Variants in RGPD4 observed in about 807,000 individuals in gnomAD.
The protein encoded by RGPD4 is RANBP2 like and GRIP domain containing 4.
RGPD4 carries 84 observed loss-of-function variants against 141.1 expected under a neutral mutation model. The ratio of observed to expected loss-of-function variants is 0.60; its 90% CI spans 0.50 to 0.71. The LOEUF (loss-of-function observed/expected upper bound fraction) is 0.71, where lower values mean the gene tolerates loss of function less well. RGPD4 is among the 30% of genes least tolerant of loss of function. The pLI, the probability that RGPD4 is intolerant of heterozygous loss-of-function variation, is 0.00. For synonymous variants in RGPD4, 298 were observed against 566.8 expected, an observed-to-expected ratio of 0.53 and a Z score of 6.74; for missense variants, 918 against 1,622.4, an observed-to-expected ratio of 0.57 and a Z score of 7.46.
chr2:107,836,484 T>C, intron 1 of RGPD4, 118 bp from the exon 2 acceptor site: 2 of 1,047,086 alleles, frequency 1.9e-6, no homozygotes, highest in Non-Finnish European at 2.6e-6. Flanking sequence ...AAAAAAATTT[T>C]TAAGTGAATG....
chr2:107,827,148 G>T, intron 1 of RGPD4, 63 bp downstream of exon 1: 1 of 557,442 alleles, frequency 1.8e-6, no homozygotes, highest in Non-Finnish European at 2.4e-6. Flanking sequence ...CCTCGACCTG[G>T]CCCGGCGGCG....
At chr2:107,835,098 G>T (rs1312400443) in intron 1 of RGPD4, among the ~76,000 whole-genome samples, 17 of 25,994 alleles carry the variant, frequency 6.5e-4, no homozygotes, top group South Asian at 1.7e-3. Flanking sequence ...TTTTTTTTTT[G>T]AGATGGAATC....
chr2:107,829,692 G>A (rs1243875601), intron 1 of RGPD4, among the ~76,000 whole-genome samples: 2 of 152,134 alleles, frequency 1.3e-5, no homozygotes, highest in African/African-American at 2.4e-5. Context: ...TGGGGGGACC[G>A]CGGCGGGCGG....
chr2:107,845,996 G>A (rs1354626092), intron 6 of RGPD4, among the ~76,000 whole-genome samples: 28 of 114,224 alleles, frequency 2.5e-4, no homozygotes, highest in Middle Eastern at 5.1e-3. Flanking sequence ...GCGCCATCTC[G>A]GCTCACTGCA....
chr2:107,858,408 CTTTTCTTT>C (rs1558804079), intron 9 of RGPD4, among the ~76,000 whole-genome samples: 87 of 141,172 alleles, frequency 6.2e-4, no homozygotes, highest in African/African-American at 2.4e-3. Context: ...CTTTTCTTTT[CTTTTCTTT>C]TCTTTTCTTT....
rs563932287 is a variant in RGPD4 at position 107,854,678 on chromosome 2, G to C, written c.1066+35G>C. The stretch of plus-strand genomic sequence containing the variant: ...ATATTAAACTAATTTAATTTAAAAA[G>C]AAAAAGGAATTTCTGTTAAGGCATA... On this transcript the variant is annotated intron_variant, in intron 8 of 22. Transcript: ENST00000408999. 2.7e-3 allele frequency: 4,061 copies of C among 1,498,372 alleles called. 88 individuals are homozygous for C. The African/African-American group carries it at 0.048, about 18-fold the overall frequency. 92.8% of individuals were successfully genotyped at this position (1,498,372 alleles called of 1,614,324 possible).
At chr2:107,828,433 C>T (rs1275062134) in intron 1 of RGPD4, among the ~76,000 whole-genome samples, 4 of 39,952 alleles carry the variant, frequency 1.0e-4, no homozygotes, top group African/African-American at 3.9e-4. Context: ...GCGGCGGCCT[C>T]GATGGCTCAG....
intron 6 of RGPD4, among the ~76,000 whole-genome samples, chr2:107,845,551 C>T (rs1681895906): frequency 6.6e-6 from 1 of 151,996 alleles, no homozygotes; most frequent in African/African-American, 2.4e-5. Flanking sequence ...CTGGTGCCAC[C>T]CTAGGCAGTT....
rs745749447 is a variant in RGPD4 at position 107,880,122 on chromosome 2, C to A, written c.5064+15C>A. The A allele has an allele frequency of 1.2e-6, 2 of 1,611,372 alleles. No homozygotes were observed. Among genetic ancestry groups the A allele is most frequent in the Non-Finnish European group, 1.7e-6 (2 of 1,179,848 alleles). On this transcript the variant is annotated intron_variant, in intron 21 of 22. Transcript: ENST00000408999. Reference sequence around the variant, plus strand: ...AGCAAATTAAGGTGAGATCAGAAAACCTGGCCACCATGAAAACTGCCAATT... The same window carrying A: ...AGCAAATTAAGGTGAGATCAGAAAAACTGGCCACCATGAAAACTGCCAATT...
chr2:107,836,913 C>A lies in RGPD4; in HGVS notation c.140+244C>A, dbSNP rs1258923138. ...CAAGAAATTGTTTGGCTTAAAACGA[C>A]TTTTTCTAAAAATTGTCTTCTGTTG... On this transcript the variant is annotated intron_variant, in intron 2 of 22. Coordinates refer to ENST00000408999, the MANE Select transcript of RGPD4 (RefSeq NM_182588.3). Among the ~76,000 whole-genome samples the A allele has an allele frequency of 2.2e-4, 16 of 71,430 alleles. 7 individuals are homozygous for A. Among genetic ancestry groups the A allele is most frequent in the Non-Finnish European group, 4.0e-4 (13 of 32,146 alleles). The allele number at this position is 71,430 out of a possible 152,430, so 46.9% of individuals were successfully genotyped here.
chr2:107,871,862 T>C lies in RGPD4; in HGVS notation c.3858T>C (p.Gly1286=). Residue 1286 remains glycine, a synonymous_variant, in exon 20 of 23, where the codon GGT becomes GGC. Transcript: ENST00000408999. ...SPVRKNLFHF[G]ESTTGSNFSF... The stretch of plus-strand genomic sequence containing the variant: ...TGAGAAAAAATCTTTTCCATTTTGG[T>C]GAGTCAACAACAGGATCTAACTTCA... 6.2e-7 allele frequency: 1 copy of C among 1,611,644 alleles called. No individual in the cohort carries two copies. Among genetic ancestry groups the C allele is most frequent in the Middle Eastern group, 2.3e-4 (1 of 4,430 alleles).
chr2:107,881,719 T>C (rs1232638625), intron 21 of RGPD4, among the ~76,000 whole-genome samples: 1 of 151,206 alleles, frequency 6.6e-6, no homozygotes, highest in Non-Finnish European at 1.5e-5. Flanking sequence ...GTTCGCTAAC[T>C]TTCTTGCCTA....
intron 22 of RGPD4, among the ~76,000 whole-genome samples, chr2:107,889,127 G>A (rs575321452): frequency 5.3e-5 from 8 of 149,808 alleles, no homozygotes; most frequent in African/African-American, 5.1e-5. Flanking sequence ...ACATATATAC[G>A]TATGAAAACA....
chr2:107,886,782 A>T (rs542840609), intron 22 of RGPD4, among the ~76,000 whole-genome samples: 59 of 152,240 alleles, frequency 3.9e-4, no homozygotes, highest in Non-Finnish European at 7.8e-4. Flanking sequence ...AACAGGGCCC[A>T]TCAGAGCAAA....
chr2:107,878,196 A>C (rs905882640), intron 20 of RGPD4, among the ~76,000 whole-genome samples: 19 of 151,478 alleles, frequency 1.3e-4, no homozygotes, highest in African/African-American at 4.6e-4. Flanking sequence ...CTCTACTCTT[A>C]TCATTTGATA....
chr2:107,879,922 G>A, intron 20 of RGPD4, 46 bp from the exon 21 acceptor site: 2 of 1,608,228 alleles, frequency 1.2e-6, no homozygotes, highest in Non-Finnish European at 1.7e-6. Flanking sequence ...ATCTTCATCT[G>A]TAATGTATGA....
chr2:107,890,576 A>AGACC (rs1675628273), intron 22 of RGPD4, 145 bp from the exon 23 acceptor site: 1 of 88,402 alleles, frequency 1.1e-5, no homozygotes, highest in African/African-American at 6.1e-5. Context: ...AAAAAAAAGA[A>AGACC]CCCCCCCCCC....
At chr2:107,858,109 T>C (rs1165153684) in intron 9 of RGPD4, among the ~76,000 whole-genome samples, 1 of 152,032 alleles carries the variant, frequency 6.6e-6, no homozygotes, top group African/African-American at 2.4e-5. Flanking sequence ...AGTCTCTGTA[T>C]TAAAACTATA....
intron 20 of RGPD4, among the ~76,000 whole-genome samples, chr2:107,874,635 A>G (rs1307783139): frequency 6.6e-6 from 1 of 151,128 alleles, no homozygotes; most frequent in Non-Finnish European, 1.5e-5. Flanking sequence ...AGTTTCTGTG[A>G]GCTCTAGGTT....
Sources: allele counts gnomAD v4.1 joint callset (sites outside exome capture counted in the v4.1 genomes callset), GRCh38; gene constraint gnomAD v4.1.1; transcripts MANE v1.5; gene names NCBI Gene and HGNC (gene_info 2026-07-23, HGNC 2026-07-21).